Variants in PAK1 observed in about 807,000 individuals in gnomAD.
The protein encoded by PAK1 is p21 (RAC1) activated kinase 1.
Under a neutral mutation model 67.4 loss-of-function variants are expected in PAK1, and 29 were observed. The observed-to-expected ratio is 0.43, with a 90% CI of 0.32 to 0.59. The LOEUF (loss-of-function observed/expected upper bound fraction) is 0.59, where lower values mean the gene tolerates loss of function less well. Ranked by LOEUF, PAK1 falls within the 20% of genes least tolerant of loss-of-function variation. The pLI is 0.07. For missense variants in PAK1, 337 were observed against 670.7 expected (o/e 0.50, Z 5.50); for synonymous variants, 223 against 237.4 (o/e 0.94, Z 0.56).
the PAK1 span, among the ~76,000 whole-genome samples, chr11:77,514,285 G>A: frequency 6.6e-6 from 1 of 152,160 alleles, no homozygotes; most frequent in African/African-American, 2.4e-5. Context: ...CTTGAGGTCA[G>A]GAGTTCAAGA....
In PAK1 at chr11:77,392,478, G is replaced by A. The variant is rs1951258020; in HGVS notation, c.43C>T (p.Pro15Ser). 1 of 1,613,436 alleles carries A rather than the reference G, an allele frequency of 6.2e-7. No homozygotes were observed. ...GLDIQDKPPA[P>S]PMRNTSTMIG... Reference sequence around the variant, plus strand: ...ATAGTGCTGGTATTTCTCATCGGAGGGGCTGGGGGTTTGTCTTGAATGTCT... The same window carrying A: ...ATAGTGCTGGTATTTCTCATCGGAGAGGCTGGGGGTTTGTCTTGAATGTCT... Residue 15 changes from proline to serine, a missense_variant, in exon 2 of 15, where the codon CCT (proline) becomes TCT (serine). By Grantham distance (74) the Pro-to-Ser change is moderately conservative (BLOSUM62 -1). Transcript: ENST00000356341.
intron 1 of PAK1, among the ~76,000 whole-genome samples, chr11:77,398,087 C>A (rs1412507970): frequency 6.6e-6 from 1 of 152,190 alleles, no homozygotes; most frequent in Non-Finnish European, 1.5e-5. Context: ...GTATCCATCC[C>A]CTCAAGCATT....
At chr11:77,389,342 A>T (rs1291530248) in intron 2 of PAK1, among the ~76,000 whole-genome samples, 1 of 152,104 alleles carries the variant, frequency 6.6e-6, no homozygotes, top group Non-Finnish European at 1.5e-5. Flanking sequence ...CTGATGGGGT[A>T]TTTGGGTTGT....
chr11:77,443,391 GCCA>G (rs2138467273), intron 1 of PAK1, among the ~76,000 whole-genome samples: 1 of 151,526 alleles, frequency 6.6e-6, no homozygotes, highest in Non-Finnish European at 1.5e-5. Context: ...ATTCCCAACA[GCCA>G]CCACAAGGAG....
At chr11:77,386,542 T>C (rs1950470542) in intron 2 of PAK1, among the ~76,000 whole-genome samples, 1 of 152,126 alleles carries the variant, frequency 6.6e-6, no homozygotes, top group Non-Finnish European at 1.5e-5. Context: ...AGCTTCTCTT[T>C]CCAATCATTT....
At chr11:77,407,606 T>C (rs959382615) in intron 1 of PAK1, among the ~76,000 whole-genome samples, 1 of 152,200 alleles carries the variant, frequency 6.6e-6, no homozygotes, top group Non-Finnish European at 1.5e-5. Context: ...GCATTCATTA[T>C]TTCATCTGAT....
the PAK1 span, among the ~76,000 whole-genome samples, chr11:77,505,365 C>T: frequency 3.9e-5 from 6 of 151,986 alleles, no homozygotes; most frequent in African/African-American, 7.3e-5. Context: ...TTTTTATATT[C>T]GTAGTAGAGA....
chr11:77,348,131 C>T (rs747979208), intron 9 of PAK1, among the ~76,000 whole-genome samples: 28 of 152,204 alleles, frequency 1.8e-4, no homozygotes, highest in Non-Finnish European at 2.9e-4. Flanking sequence ...CATGACTTCT[C>T]CAGGGTGCCA....
chr11:77,327,133 G>A (rs1266076377), intron 14 of PAK1, among the ~76,000 whole-genome samples: 2 of 152,222 alleles, frequency 1.3e-5, no homozygotes, highest in Non-Finnish European at 2.9e-5. Context: ...ATGGGACTAT[G>A]TGAAAAGGCC....
At chr11:77,353,764 A>G (rs542143398) in intron 7 of PAK1, among the ~76,000 whole-genome samples, 165 bp from the exon 8 acceptor site, 18 of 152,304 alleles carry the variant, frequency 1.2e-4, no homozygotes, top group African/African-American at 4.3e-4. Context: ...AGTCTCAACC[A>G]AAAGTTTCAT....
chr11:77,506,425 A>T, the PAK1 span, among the ~76,000 whole-genome samples: 1 of 152,238 alleles, frequency 6.6e-6, no homozygotes, highest in Non-Finnish European at 1.5e-5. Flanking sequence ...TTTGCTTGTC[A>T]CTACTGTGCC....
the PAK1 span, among the ~76,000 whole-genome samples, chr11:77,489,082 C>A: frequency 2.6e-5 from 4 of 152,130 alleles, no homozygotes; most frequent in Admixed American, 1.3e-4. Context: ...TACAGTGGAG[C>A]TCTAATATAC....
chr11:77,458,653 T>C (rs774668957), intron 1 of PAK1, among the ~76,000 whole-genome samples: 4 of 152,168 alleles, frequency 2.6e-5, no homozygotes, highest in Admixed American at 2.0e-4. Flanking sequence ...GAGGGGTGAA[T>C]GTACAGACCT....
intron 1 of PAK1, among the ~76,000 whole-genome samples, chr11:77,462,305 T>C (rs918822587): frequency 1.8e-4 from 27 of 149,530 alleles, no homozygotes; most frequent in African/African-American, 6.2e-4. Flanking sequence ...CACTCCAGCC[T>C]GGGCAACAGA....
chr11:77,436,064 T>C (rs1300166513), intron 1 of PAK1, among the ~76,000 whole-genome samples: 2 of 152,198 alleles, frequency 1.3e-5, no homozygotes, highest in Admixed American at 6.5e-5. Context: ...TCTTCCTCTA[T>C]AATCCAAACT....
the PAK1 span, among the ~76,000 whole-genome samples, chr11:77,505,480 G>A: frequency 6.6e-6 from 1 of 152,218 alleles, no homozygotes; most frequent in Non-Finnish European, 1.5e-5. Flanking sequence ...AAGGTAACAT[G>A]CCTGGCCATT....
intron 5 of PAK1, among the ~76,000 whole-genome samples, chr11:77,368,803 C>G (rs1469373172): frequency 6.6e-6 from 1 of 152,040 alleles, no homozygotes; most frequent in African/African-American, 2.4e-5. Context: ...ATTACAGGCA[C>G]ACAACACCAA....
At chr11:77,349,151 G>T (rs1214659947) in intron 9 of PAK1, 88 bp downstream of exon 9, 203 of 742,292 alleles carry the variant, frequency 2.7e-4, no homozygotes, top group Non-Finnish European at 4.2e-4. Context: ...ACCTAGAACT[G>T]TTCCTGTTGA....
chr11:77,514,436 A>C, the PAK1 span, among the ~76,000 whole-genome samples: 1 of 152,214 alleles, frequency 6.6e-6, no homozygotes, highest in African/African-American at 2.4e-5. Flanking sequence ...CAGAGGCTGC[A>C]GTGAACTGAG....
Sources: allele counts gnomAD v4.1 joint callset (sites outside exome capture counted in the v4.1 genomes callset), GRCh38; gene constraint gnomAD v4.1.1; transcripts MANE v1.5; gene names NCBI Gene and HGNC (gene_info 2026-07-23, HGNC 2026-07-21).